Variants in KCNK10 observed in about 807,000 individuals in gnomAD.
The protein encoded by KCNK10 is potassium two pore domain channel subfamily K member 10.
KCNK10 carries 25 observed loss-of-function variants against 47.7 expected under a neutral mutation model. That is an observed-to-expected ratio of 0.52 (90% confidence interval 0.38 to 0.73). The LOEUF (loss-of-function observed/expected upper bound fraction) is 0.73. KCNK10 is among the 30% of genes least tolerant of loss of function. The pLI, the probability that KCNK10 is intolerant of heterozygous loss-of-function variation, is 0.00. For missense variants in KCNK10, 563 were observed against 714.5 expected (o/e 0.79, Z 2.42); for synonymous variants, 303 against 285.6 (o/e 1.06, Z -0.61).
rs28469158 is a variant in KCNK10, at chr14:88,259,342, G to A, written c.402+3860C>T. 6.1e-3 allele frequency among the ~76,000 whole-genome samples: 931 copies of A among 152,328 alleles called. 10 individuals carry two copies. The highest frequency in any genetic ancestry group is 0.021 in the African/African-American group (892 of 41,564). ...GAGAAAGACTGTAGATAAACACAAG[G>A]ATGAATCTGTAAGTCATAGTAGATG... On this transcript the variant is annotated intron_variant, in intron 2 of 6. Coordinates refer to ENST00000319231, the MANE Select transcript of KCNK10 (RefSeq NM_138317.3).
At chr14:88,227,579 G>C in intron 3 of KCNK10, 44 bp from the exon 4 acceptor site, 1 of 1,537,220 alleles carries the variant, frequency 6.5e-7, no homozygotes, top group Non-Finnish European at 8.8e-7. Context: ...AGAGAAATTA[G>C]CATACTGACC....
intron 4 of KCNK10, among the ~76,000 whole-genome samples, chr14:88,209,682 C>T (rs1209388147): frequency 6.6e-6 from 1 of 152,238 alleles, no homozygotes; most frequent in Non-Finnish European, 1.5e-5. Flanking sequence ...GCCCCCTCCA[C>T]TTCTCCAGCC....
At position 88,227,550 on chromosome 14, in the gene KCNK10, GA is replaced by G; in HGVS notation, c.521-16del. On this transcript the variant is annotated splice_polypyrimidine_tract_variant and intron_variant, in intron 3 of 6. Coordinates refer to ENST00000319231, the MANE Select transcript of KCNK10 (RefSeq NM_138317.3). ...ATTCCCATACCCTGGTGAGAAATAT[GA>G]AAAAGAGGGAGAGTGGCAGAGAAAT... 1 of 1,572,014 alleles carries G rather than the reference GA, an allele frequency of 6.4e-7. No individual in the cohort carries two copies.
rs1377399729 is a variant in KCNK10, at chr14:88,185,515, A to G, written c.*20T>C. On this transcript the variant is annotated 3_prime_UTR_variant, in exon 7 of 7. Coordinates refer to ENST00000319231, the MANE Select transcript of KCNK10 (RefSeq NM_138317.3). The surrounding 1 kb of genome is among the most constrained non-coding windows in gnomAD (Gnocchi z 4.3). ...CACACACACACACAACGCTCAGTCC[A>G]AGACCAATGTCCTTCACATTTAGTT... is the stretch of plus-strand genomic sequence containing the variant. The G allele has an allele frequency of 2.5e-6, 4 of 1,606,776 alleles. No individual in the cohort carries two copies. The highest frequency in any genetic ancestry group is 1.1e-5 in the South Asian group (1 of 89,820).
In KCNK10 at chr14:88,260,191, C is replaced by A. The variant is rs1337992980; in HGVS notation, c.402+3011G>T. ...CTCCTGATCTCAGGTCATCCACCCA[C>A]CTTGGCCTCCCAAAGTGCTGGGATT... On this transcript the variant is annotated intron_variant, in intron 2 of 6. Coordinates refer to ENST00000319231, the MANE Select transcript of KCNK10 (RefSeq NM_138317.3). This position sits in a 1 kb window ranked among gnomAD's most constrained non-coding sequence, Gnocchi z 4.5. 2.0e-5 allele frequency among the ~76,000 whole-genome samples: 3 copies of A among 152,208 alleles called. No homozygotes were observed. Among genetic ancestry groups the A allele is most frequent in the Non-Finnish European group, 4.4e-5 (3 of 68,040 alleles).
chr14:88,270,791 T>C (rs775036016), intron 1 of KCNK10: 1 of 781,064 alleles, frequency 1.3e-6, no homozygotes, highest in Admixed American at 1.7e-5. Context: ...ATCCTCCATA[T>C]ACCAGCCATG....
At chr14:88,310,205 G>GATATACTATATCATATGGTATATC (rs1888292052) in intron 1 of KCNK10, among the ~76,000 whole-genome samples, 1 of 42,340 alleles carries the variant, frequency 2.4e-5, no homozygotes, top group Non-Finnish European at 6.1e-5. Flanking sequence ...TATGGTATAT[G>GATATACTATATCATATGGTATATC]ATATACCATA....
intron 1 of KCNK10, among the ~76,000 whole-genome samples, chr14:88,276,417 G>A (rs139455144): frequency 3.3e-5 from 5 of 152,146 alleles, no homozygotes; most frequent in Admixed American, 1.3e-4. Flanking sequence ...AATTTCTGTT[G>A]TGCAAAAGCT....
In KCNK10 at chr14:88,182,878, AG is replaced by A. The variant is rs1884416567; in HGVS notation, c.*2656del. The A allele has an allele frequency of 6.6e-6, 1 of 152,350 alleles. No homozygotes were observed. The highest frequency in any genetic ancestry group is 6.5e-5 in the Admixed American group (1 of 15,284). The allele number at this position is 152,350 out of a possible 1,614,324, so 9.4% of individuals were successfully genotyped here. A position where few individuals can be genotyped will look rare whatever the true frequency, so the allele number is the denominator to read the frequency against. On this transcript the variant is annotated 3_prime_UTR_variant, in exon 7 of 7. Transcript: ENST00000319231. ...AGTGCTTTCAAAGGGCATTTTTTAA[AG>A]GGTGCCACATACAAAATTTCCAAAA...
chr14:88,191,056 G>T (rs1307589663), intron 5 of KCNK10, among the ~76,000 whole-genome samples: 3 of 152,014 alleles, frequency 2.0e-5, no homozygotes, highest in Non-Finnish European at 4.4e-5. Flanking sequence ...GGGCAACATG[G>T]CTAAATCCCA....
chr14:88,294,373 A>G (rs117258586), intron 1 of KCNK10, among the ~76,000 whole-genome samples: 2,200 of 152,376 alleles, frequency 0.014, 20 homozygotes, highest in Non-Finnish European at 0.023. Context: ...GATTTCCAAG[A>G]TGGAACTTGC....
At chr14:88,215,199 A>G (rs541342012) in intron 4 of KCNK10, among the ~76,000 whole-genome samples, 1 of 152,348 alleles carries the variant, frequency 6.6e-6, no homozygotes, top group African/African-American at 2.4e-5. Flanking sequence ...CTATTAGTCC[A>G]TTCTCACACT....
upstream of KCNK10, chr14:88,326,419 C>G: frequency 2.5e-6 from 4 of 1,613,302 alleles, no homozygotes; most frequent in Non-Finnish European, 3.4e-6. Context: ...CTTCACTTAC[C>G]CAAGGAAAGA....
intron 2 of KCNK10, among the ~76,000 whole-genome samples, chr14:88,250,244 T>C (rs1886756484): frequency 6.6e-6 from 1 of 152,192 alleles, no homozygotes; most frequent in Admixed American, 6.5e-5. Flanking sequence ...ATGAAATCAA[T>C]AACCCCAGGG....
chr14:88,228,957 C>T (rs10129317), intron 3 of KCNK10, among the ~76,000 whole-genome samples: 21 of 152,172 alleles, frequency 1.4e-4, no homozygotes, highest in African/African-American at 4.8e-4. Flanking sequence ...GAATACCCCT[C>T]TAGAATGGTC....
At position 88,182,654 on chromosome 14, in the gene KCNK10, T is replaced by C. The variant is rs1346911538; in HGVS notation, c.*2881A>G. Reference sequence around the variant, plus strand: ...CAAATGTCTCAGGGAATGGGTTATGTAGAAAATTTTCCCACCCCCAGCCCA... The same window carrying C: ...CAAATGTCTCAGGGAATGGGTTATGCAGAAAATTTTCCCACCCCCAGCCCA... On this transcript the variant is annotated 3_prime_UTR_variant, in exon 7 of 7. Transcript: ENST00000319231. 2.0e-5 allele frequency: 3 copies of C among 152,362 alleles called. No individual in the cohort carries two copies. The highest frequency in any genetic ancestry group is 4.4e-5 in the Non-Finnish European group (3 of 68,046). The allele number at this position is 152,362 out of a possible 1,614,324, so 9.4% of individuals were successfully genotyped here. A position where few individuals can be genotyped will look rare whatever the true frequency, so the allele number is the denominator to read the frequency against.
chr14:88,267,859 A>G (rs533952265), intron 1 of KCNK10, among the ~76,000 whole-genome samples: 40 of 152,258 alleles, frequency 2.6e-4, no homozygotes, highest in Middle Eastern at 3.4e-3. Flanking sequence ...ATGGTGGTGA[A>G]GGTGACAGGA....
At chr14:88,248,524 T>C (rs1886704565) in intron 2 of KCNK10, among the ~76,000 whole-genome samples, 1 of 151,580 alleles carries the variant, frequency 6.6e-6, no homozygotes, top group African/African-American at 2.4e-5. Flanking sequence ...AGCGCAGGAG[T>C]TCAAGGCCAG....
chr14:88,191,242 C>A (rs765600879), intron 5 of KCNK10, among the ~76,000 whole-genome samples: 1 of 150,996 alleles, frequency 6.6e-6, no homozygotes, highest in Non-Finnish European at 1.5e-5. Flanking sequence ...CAGAGGGAGA[C>A]CCTGTTCAAA....
Sources: gnomAD v4.1 joint callset for allele counts (sites outside exome capture counted in the v4.1 genomes callset) on GRCh38, gnomAD v4.1.1 for gene constraint, Gnocchi (gnomAD v3.1) non-coding constraint, MANE v1.5 for transcripts, NCBI Gene and HGNC (gene_info 2026-07-23, HGNC 2026-07-21) for gene names.